Variants in MYBBP1A observed in about 807,000 individuals in gnomAD.
MYBBP1A encodes the protein myb-binding protein 1A.
In MYBBP1A, 147 loss-of-function variants were observed where a neutral mutation model predicts 136.3. That is an observed-to-expected ratio of 1.08 (90% confidence interval 0.94 to 1.24). MYBBP1A has a LOEUF of 1.24. Among genes scored for constraint, MYBBP1A ranks in the 50% most tolerant of loss-of-function variants. MYBBP1A has a pLI of 0.00. For synonymous variants in MYBBP1A, 947 were observed against 735.8 expected (o/e 1.29, Z -4.65); for missense variants, 2,060 against 1,727.4 (o/e 1.19, Z -3.41).
At position 4,552,422 on chromosome 17, in the gene MYBBP1A, G is replaced by C; in HGVS notation, c.737+29C>G. On this transcript the variant is annotated intron_variant, in intron 6 of 25. Transcript: ENST00000254718. The surrounding 1 kb of genome is among the most constrained non-coding windows in gnomAD (Gnocchi z 4.7). Reference sequence around the variant, plus strand: ...CCAGATGCAGTCCCTTGGCCCCAGGGAGGGCAAATCCGCCCACCTCCATCA... The same window carrying C: ...CCAGATGCAGTCCCTTGGCCCCAGGCAGGGCAAATCCGCCCACCTCCATCA... 3.7e-6 allele frequency: 6 copies of C among 1,609,108 alleles called. No homozygotes were observed. The highest frequency in any genetic ancestry group is 5.1e-6 in the Non-Finnish European group (6 of 1,178,458).
chr17:4,541,058 C>T (rs1054989957), intron 24 of MYBBP1A, among the ~76,000 whole-genome samples: 1 of 152,178 alleles, frequency 6.6e-6, no homozygotes, highest in African/African-American at 2.4e-5. Flanking sequence ...CCCAGATGGC[C>T]ACCTCCAGCT....
At position 4,545,876 on chromosome 17, in the gene MYBBP1A, T is replaced by G. The variant is rs781397139; in HGVS notation, c.1891A>C (p.Lys631Gln). ...QTCIRKSLGE[K>Q]PRRSRTKTID... is the part of the protein sequence containing the mutation. ...GTCTTGGTGCGGCTCCGGCGGGGCT[T>G]CTCTCCCAGACTTTTCCTGATGCAG... Residue 631 changes from lysine (K) to glutamine (Q), a missense_variant, in exon 14 of 26, where the codon AAG (lysine) becomes CAG (glutamine). Transcript: ENST00000254718. 7 of 1,613,168 alleles carry G rather than the reference T, an allele frequency of 4.3e-6. No homozygotes were observed. The African/African-American group carries it at 9.3e-5, about 22-fold the overall frequency.
intron 13 of MYBBP1A, 136 bp downstream of exon 13, chr17:4,547,822 G>A (rs1268360993): frequency 7.2e-6 from 5 of 692,704 alleles, no homozygotes; most frequent in East Asian, 5.9e-5. Flanking sequence ...GACAAAGTTG[G>A]CTTCAAAAAC....
At chr17:4,553,569 C>A (rs1371966345) in intron 5 of MYBBP1A, among the ~76,000 whole-genome samples, 1 of 152,220 alleles carries the variant, frequency 6.6e-6, no homozygotes, top group Non-Finnish European at 1.5e-5. Flanking sequence ...TATCTCAACA[C>A]TTTTTTATAC....
chr17:4,544,211 G>A (rs1264000975), intron 19 of MYBBP1A, among the ~76,000 whole-genome samples: 1 of 138,638 alleles, frequency 7.2e-6, no homozygotes, highest in African/African-American at 3.2e-5. Context: ...CCAGGGCACT[G>A]TTGGCACAGC....
chr17:4,550,493 G>T, intron 8 of MYBBP1A, 140 bp from the exon 9 acceptor site: 1 of 916,330 alleles, frequency 1.1e-6, no homozygotes, highest in Non-Finnish European at 1.7e-6. Flanking sequence ...CACCAGGCTT[G>T]TGCCCACTAC....
chr17:4,549,770 AGAGT>A (rs1288448366), intron 9 of MYBBP1A, among the ~76,000 whole-genome samples: 1 of 129,292 alleles, frequency 7.7e-6, no homozygotes, highest in East Asian at 2.4e-4. Flanking sequence ...TAGGCCACAG[AGAGT>A]GAGACTCTGT....
Position 4,547,966 on chromosome 17 carries a change from G to A in MYBBP1A, c.1816C>T (p.Leu606Phe). 6.6e-7 allele frequency: 1 copy of A among 1,511,526 alleles called. No individual in the cohort carries two copies. The highest frequency in any genetic ancestry group is 8.9e-7 in the Non-Finnish European group (1 of 1,126,760). 93.6% of individuals were successfully genotyped at this position (1,511,526 alleles called of 1,614,324 possible). A position where few individuals can be genotyped will look rare whatever the true frequency, so the allele number is the denominator to read the frequency against. The change falls in exon 13 of 26, where the codon CTC becomes TTC. Residue 606 changes from leucine to phenylalanine, a missense_variant. By Grantham distance (22) the Leu-to-Phe change is conservative (BLOSUM62 0). Coordinates refer to ENST00000254718, the MANE Select transcript of MYBBP1A (RefSeq NM_014520.4). ...CTCCCAGGCCCCAGTACCTTGAGGA[G>A]GTGGATGCCCACGAGGAGCAGAAGG... ...QHLLLLVGIH[L>F]LKSPAESCDL...
Position 4,541,475 on chromosome 17 carries a change from G to T in MYBBP1A, c.3285C>A (p.Thr1095=). The T allele has an allele frequency of 6.2e-7, 1 of 1,613,362 alleles. No individual in the cohort carries two copies. The highest frequency in any genetic ancestry group is 8.5e-7 in the Non-Finnish European group (1 of 1,179,958). The change falls in exon 24 of 26, where the codon ACC becomes ACA. Residue 1095 remains threonine, a synonymous_variant. Coordinates refer to ENST00000254718, the MANE Select transcript of MYBBP1A (RefSeq NM_014520.4). ...GCCCCCGCCTCACCTCATGTTTGCA[G>T]GTCCTGAAGAGAACGTTGAGCAGCT... is the stretch of plus-strand genomic sequence containing the variant. The part of the protein sequence containing the change: ...SLELLNVLFR[T]CKHEKLTLDL...
chr17:4,553,818 G>C lies in MYBBP1A; in HGVS notation c.553C>G (p.Leu185Val), dbSNP rs200574983. Residue 185 changes from leucine (L) to valine (V), a missense_variant, in exon 5 of 26, where the codon CTC becomes GTC. Leu to Val is a conservative substitution (Grantham distance 32). Transcript: ENST00000254718. ...AGCTGGGGAGCTCATACCTCGGAGA[G>C]GATGTCCACCAGGGCCTTCCGGGGC... ...EQPRKALVDILSEVSKATLQE... is the reference protein window; with the variant it reads ...EQPRKALVDIVSEVSKATLQE... 100 of 1,613,848 alleles carry C rather than the reference G, an allele frequency of 6.2e-5. No individual in the cohort carries two copies. Among genetic ancestry groups the C allele is most frequent in the Non-Finnish European group, 7.5e-5 (88 of 1,179,966 alleles).
At chr17:4,554,761 G>T in intron 2 of MYBBP1A, 100 bp downstream of exon 2, 3 of 1,161,680 alleles carry the variant, frequency 2.6e-6, no homozygotes, top group East Asian at 2.5e-5. Context: ...CCTCTCTCTC[G>T]GGCTGCCCCT....
At chr17:4,544,986 G>GCCCCGCC in intron 17 of MYBBP1A, 40 bp downstream of exon 17, 1 of 1,464,170 alleles carries the variant, frequency 6.8e-7, no homozygotes, top group Non-Finnish European at 9.1e-7. Context: ...GGACACCCGA[G>GCCCCGCC]CCCTCCCCGG....
At chr17:4,553,743 A>G (rs747639441) in intron 5 of MYBBP1A, 67 bp downstream of exon 5, 12 of 1,227,408 alleles carry the variant, frequency 9.8e-6, no homozygotes, top group Non-Finnish European at 1.2e-5. Context: ...CCAGATTCTC[A>G]TCCGAGCCCC....
intron 2 of MYBBP1A, 44 bp from the exon 3 acceptor site, chr17:4,554,322 G>A (rs75997571): frequency 0.055 from 86,352 of 1,556,160 alleles, 3,073 homozygotes; most frequent in South Asian, 0.14. Context: ...TCAGGAGAGT[G>A]GCCCAACTAC....
intron 19 of MYBBP1A, 150 bp from the exon 20 acceptor site, chr17:4,543,315 C>A: frequency 1.9e-6 from 2 of 1,068,454 alleles, no homozygotes; most frequent in Non-Finnish European, 2.6e-6. Context: ...GGCCCAGGGC[C>A]GCCTGCAGGC....
intron 8 of MYBBP1A, among the ~76,000 whole-genome samples, chr17:4,550,659 T>C (rs1018142927): frequency 6.6e-6 from 1 of 152,270 alleles, no homozygotes; most frequent in Non-Finnish European, 1.5e-5. Context: ...AAGGCCCCTC[T>C]TTCCGCCTTG....
In MYBBP1A at chr17:4,548,685, T is replaced by C; in HGVS notation, c.1431-36A>G. 1 of 1,613,088 alleles carries C rather than the reference T, an allele frequency of 6.2e-7. No individual in the cohort carries two copies. The highest frequency in any genetic ancestry group is 8.5e-7 in the Non-Finnish European group (1 of 1,179,552). ...TGGGAGAGTGGCCATAGCCATTCAC[T>C]GCCATTGGTTTTTACAGGCTCCCCT... is the stretch of plus-strand genomic sequence containing the variant. On this transcript the variant is annotated intron_variant, in intron 10 of 25. Transcript: ENST00000254718. This position sits in a 1 kb window ranked among gnomAD's most constrained non-coding sequence, Gnocchi z 4.2.
intron 22 of MYBBP1A, 53 bp from the exon 23 acceptor site, chr17:4,541,944 G>A (rs532377648): frequency 2.9e-5 from 43 of 1,477,764 alleles, no homozygotes; most frequent in East Asian, 4.6e-5. Context: ...GGGTGCTCAC[G>A]GCTCAGGGAT....
Position 4,542,138 on chromosome 17 carries a change from C to T in MYBBP1A, c.3088-247G>A, listed in dbSNP as rs575730231. On this transcript the variant is annotated intron_variant, in intron 22 of 25. Transcript: ENST00000254718. Reference sequence around the variant, plus strand: ...TTCCTGCCCATTATTGGCTTAGTGCCATCTTCCTCCAGCCTGCCCCCAACA... The same window carrying T: ...TTCCTGCCCATTATTGGCTTAGTGCTATCTTCCTCCAGCCTGCCCCCAACA... 2.7e-5 allele frequency: 16 copies of T among 584,984 alleles called. No individual in the cohort carries two copies. In the South Asian group the frequency reaches 3.4e-4, roughly 13 times the overall value. The allele number at this position is 584,984 out of a possible 1,614,324, so 36.2% of individuals were successfully genotyped here.
Sources: gnomAD v4.1 joint callset for allele counts (sites outside exome capture counted in the v4.1 genomes callset) on GRCh38, gnomAD v4.1.1 for gene constraint, Gnocchi (gnomAD v3.1) non-coding constraint, MANE v1.5 for transcripts, NCBI Gene and HGNC (gene_info 2026-07-23, HGNC 2026-07-21) for gene names.